BTRC: variants seen among roughly 807,000 people sequenced by gnomAD.
BTRC encodes the protein beta-transducin repeat containing E3 ubiquitin protein ligase.
Under a neutral mutation model 85.5 loss-of-function variants are expected in BTRC, and 42 were observed. That is an observed-to-expected ratio of 0.49 (90% CI 0.38 to 0.64). The LOEUF is 0.64. Ranked by LOEUF, BTRC falls within the 30% of genes least tolerant of loss-of-function variation. The pLI is 0.00. For missense variants in BTRC, 594 were observed against 743.5 expected (o/e 0.80, Z 2.34); for synonymous variants, 255 against 263.3 (o/e 0.97, Z 0.30).
intron 1 of BTRC, among the ~76,000 whole-genome samples, chr10:101,388,123 A>G (rs988693680): frequency 6.6e-6 from 1 of 152,158 alleles, no homozygotes; most frequent in African/African-American, 2.4e-5. Context: ...CTTCAAAATT[A>G]AAAACTAAAA....
At chr10:101,519,569 G>A (rs1056972975) in intron 4 of BTRC, among the ~76,000 whole-genome samples, 1 of 152,192 alleles carries the variant, frequency 6.6e-6, no homozygotes, top group African/African-American at 2.4e-5. Context: ...AGCCTCATAC[G>A]ATTAGGTCAG....
chr10:101,484,104 C>T (rs1009501336), intron 4 of BTRC, among the ~76,000 whole-genome samples: 5 of 152,134 alleles, frequency 3.3e-5, no homozygotes, highest in Admixed American at 2.6e-4. Flanking sequence ...AAATAAACCC[C>T]TTCAGTAGCC....
At chr10:101,426,659 A>G (rs1359925883) in intron 1 of BTRC, among the ~76,000 whole-genome samples, 2 of 152,210 alleles carry the variant, frequency 1.3e-5, no homozygotes, top group Non-Finnish European at 2.9e-5. Context: ...AATAACGCAG[A>G]TTTTTATGTA....
At position 101,404,908 on chromosome 10, in the gene BTRC, G is replaced by A. The variant is rs181038593; in HGVS notation, c.49-25437G>A. 8.9e-3 allele frequency among the ~76,000 whole-genome samples: 1,345 copies of A among 151,052 alleles called. 12 individuals carry two copies. Among genetic ancestry groups the A allele is most frequent in the South Asian group, 0.013 (64 of 4,770 alleles). Reference sequence around the variant, plus strand: ...AGCTACTCAGGAGGCTGAGGCAGGAGAATGGGATGAACCCAGGAGACAGAG... The same window carrying A: ...AGCTACTCAGGAGGCTGAGGCAGGAAAATGGGATGAACCCAGGAGACAGAG... On this transcript the variant is annotated intron_variant, in intron 1 of 14. Transcript: ENST00000370187.
At chr10:101,431,070 CTTT>C (rs748703752) in intron 2 of BTRC, among the ~76,000 whole-genome samples, 3 of 71,294 alleles carry the variant, frequency 4.2e-5, no homozygotes, top group African/African-American at 1.1e-4. Flanking sequence ...CTCAGCCTTT[CTTT>C]TTTTTTTTTT....
At chr10:101,495,092 T>C (rs9419914) in intron 4 of BTRC, among the ~76,000 whole-genome samples, 56,269 of 152,032 alleles carry the variant, frequency 0.37, 11,589 homozygotes, top group Middle Eastern at 0.49. Context: ...TATTTTCCTC[T>C]ACCAAAGAGC....
At chr10:101,443,870 TCA>T (rs1473554918) in intron 2 of BTRC, among the ~76,000 whole-genome samples, 1 of 152,226 alleles carries the variant, frequency 6.6e-6, no homozygotes, top group Non-Finnish European at 1.5e-5. Context: ...CCGATTCGAT[TCA>T]CAGAGTACCT....
At chr10:101,379,572 A>T (rs796643643) in intron 1 of BTRC, among the ~76,000 whole-genome samples, 90 of 151,620 alleles carry the variant, frequency 5.9e-4, no homozygotes, top group African/African-American at 2.1e-3. Flanking sequence ...TATACTACAT[A>T]TTTTTTTTTC....
chr10:101,421,676 A>C (rs1944105594), intron 1 of BTRC, among the ~76,000 whole-genome samples: 1 of 128,168 alleles, frequency 7.8e-6, no homozygotes, highest in African/African-American at 3.0e-5. Flanking sequence ...TCTGTGTCCA[A>C]GTGTTTTCAT....
At chr10:101,393,189 C>G (rs1452630111) in intron 1 of BTRC, among the ~76,000 whole-genome samples, 1 of 152,120 alleles carries the variant, frequency 6.6e-6, no homozygotes, top group Non-Finnish European at 1.5e-5. Context: ...GGTGGTGTGC[C>G]CAGGGAGTCA....
chr10:101,442,711 G>A (rs1486258795), intron 2 of BTRC, among the ~76,000 whole-genome samples: 5 of 151,900 alleles, frequency 3.3e-5, no homozygotes, highest in Non-Finnish European at 7.4e-5. Context: ...AGGAATTAAC[G>A]TTTTTGAAAT....
chr10:101,432,555 C>T (rs1462888011), intron 2 of BTRC, among the ~76,000 whole-genome samples: 7 of 151,990 alleles, frequency 4.6e-5, no homozygotes, highest in South Asian at 2.1e-4. Context: ...TTAGTTTAGG[C>T]GATCTGCAAA....
intron 3 of BTRC, among the ~76,000 whole-genome samples, chr10:101,464,183 C>T (rs1945305619): frequency 6.6e-6 from 1 of 152,188 alleles, no homozygotes; most frequent in Non-Finnish European, 1.5e-5. Flanking sequence ...AACGAATTTT[C>T]TCTCTGCAAA....
intron 1 of BTRC, among the ~76,000 whole-genome samples, chr10:101,415,475 T>G (rs1246953103): frequency 8.3e-4 from 4 of 4,834 alleles, no homozygotes; most frequent in African/African-American, 9.1e-4. Context: ...TTTTATTTTA[T>G]TTTATTTTAT....
chr10:101,507,651 A>ATT (rs1030683768), intron 4 of BTRC, among the ~76,000 whole-genome samples: 31 of 151,526 alleles, frequency 2.0e-4, no homozygotes, highest in African/African-American at 7.3e-4. Context: ...GTCATGGAAG[A>ATT]TTTTTTTTTG....
chr10:101,388,793 G>A lies in BTRC; in HGVS notation c.48+34565G>A, dbSNP rs570259838. On this transcript the variant is annotated intron_variant, in intron 1 of 14. Transcript: ENST00000370187. ...GGCATGAGCGACTGCACCCAGCCCAGCCTGTTTTATTCTTAATGTTAAGAG... is the reference window on the plus strand; with the variant it reads ...GGCATGAGCGACTGCACCCAGCCCAACCTGTTTTATTCTTAATGTTAAGAG... 1.1e-4 allele frequency among the ~76,000 whole-genome samples: 16 copies of A among 152,306 alleles called. No individual in the cohort carries two copies. In the South Asian group the frequency reaches 2.3e-3, roughly 22 times the overall value.
At chr10:101,375,155 G>A (rs1465487713) in intron 1 of BTRC, among the ~76,000 whole-genome samples, 2 of 152,190 alleles carry the variant, frequency 1.3e-5, no homozygotes, top group Non-Finnish European at 2.9e-5. Context: ...TTGGAGGTGG[G>A]GCCTGGTAGG....
chr10:101,443,679 G>A (rs1303551808), intron 2 of BTRC, among the ~76,000 whole-genome samples: 1 of 152,112 alleles, frequency 6.6e-6, no homozygotes, highest in Non-Finnish European at 1.5e-5. Flanking sequence ...AGGCTAATTT[G>A]TTCTTCATTG....
intron 3 of BTRC, among the ~76,000 whole-genome samples, chr10:101,462,454 C>T (rs180862401): frequency 5.1e-4 from 78 of 152,030 alleles, no homozygotes; most frequent in African/African-American, 1.7e-3. Context: ...CTGAGGCAGG[C>T]GAATACCTGA....
Sources: allele counts gnomAD v4.1 joint callset (sites outside exome capture counted in the v4.1 genomes callset), GRCh38; gene constraint gnomAD v4.1.1; transcripts MANE v1.5; gene names NCBI Gene and HGNC (gene_info 2026-07-23, HGNC 2026-07-21).